MNAT1: variants seen among roughly 807,000 people sequenced by gnomAD.
The protein encoded by MNAT1 is CDK-activating kinase assembly factor MAT1.
A neutral mutation model predicts 42.0 loss-of-function variants in MNAT1; 43 were observed. That is an observed-to-expected ratio of 1.02 (90% CI 0.80 to 1.32). The LOEUF is 1.32. MNAT1 is among the 40% of genes most tolerant of loss of function. The probability of loss-of-function intolerance (pLI) is 0.00; values close to 1 mark genes in which losing one functional copy is unlikely to be tolerated. For synonymous variants in MNAT1, 118 were observed against 120.0 expected (o/e 0.98, Z 0.11); for missense variants, 306 against 350.4 (o/e 0.87, Z 1.01).
chr14:60,926,694 T>G (rs1356506582), intron 7 of MNAT1, among the ~76,000 whole-genome samples: 1 of 152,160 alleles, frequency 6.6e-6, no homozygotes, highest in Non-Finnish European at 1.5e-5. Flanking sequence ...GTGCAGAAGC[T>G]CATCCCAACT....
chr14:60,885,629 A>G (rs1455353518), intron 7 of MNAT1, among the ~76,000 whole-genome samples: 1 of 151,990 alleles, frequency 6.6e-6, no homozygotes, highest in Non-Finnish European at 1.5e-5. Flanking sequence ...CCTTTGAGCT[A>G]TTCAAGTTCT....
intron 6 of MNAT1, among the ~76,000 whole-genome samples, chr14:60,857,543 A>G (rs2033990977): frequency 6.6e-6 from 1 of 152,194 alleles, no homozygotes; most frequent in Non-Finnish European, 1.5e-5. Flanking sequence ...GGTTTAGAAT[A>G]TTATATAAAC....
chr14:60,911,194 G>A (rs564752656), intron 7 of MNAT1, among the ~76,000 whole-genome samples: 23 of 151,896 alleles, frequency 1.5e-4, no homozygotes, highest in East Asian at 7.8e-4. Flanking sequence ...TTTTTATTGC[G>A]TCTATTTGAT....
At chr14:60,881,846 T>A (rs1888876578) in intron 7 of MNAT1, among the ~76,000 whole-genome samples, 1 of 152,096 alleles carries the variant, frequency 6.6e-6, no homozygotes, top group Admixed American at 6.6e-5. Context: ...TTGACTATAG[T>A]CACCCTGTTG....
chr14:60,757,897 AT>A (rs1281726865), intron 1 of MNAT1, among the ~76,000 whole-genome samples: 5 of 152,126 alleles, frequency 3.3e-5, no homozygotes, highest in African/African-American at 4.8e-5. Flanking sequence ...ATCAGAGGTA[AT>A]TTTTGCCCTG....
At chr14:60,913,342 C>G (rs756852370) in intron 7 of MNAT1, among the ~76,000 whole-genome samples, 31 of 152,188 alleles carry the variant, frequency 2.0e-4, no homozygotes, top group Non-Finnish European at 3.5e-4. Flanking sequence ...AAGTCATGCT[C>G]CATCCAGCTT....
chr14:60,883,723 T>G (rs1424352371), intron 7 of MNAT1, among the ~76,000 whole-genome samples: 1 of 152,172 alleles, frequency 6.6e-6, no homozygotes, highest in Non-Finnish European at 1.5e-5. Flanking sequence ...TGGAATATCT[T>G]TTGTGTGTGT....
intron 7 of MNAT1, among the ~76,000 whole-genome samples, chr14:60,929,644 G>A (rs1054665933): frequency 1.3e-5 from 2 of 151,962 alleles, no homozygotes; most frequent in Non-Finnish European, 2.9e-5. Flanking sequence ...AGTCCTGAAC[G>A]TTTTCTTGAC....
At chr14:60,735,979 A>T (rs1896294886) in intron 1 of MNAT1, among the ~76,000 whole-genome samples, 1 of 152,234 alleles carries the variant, frequency 6.6e-6, no homozygotes, top group African/African-American at 2.4e-5. Flanking sequence ...AATGTAGAGC[A>T]ATGACAGGGT....
intron 1 of MNAT1, among the ~76,000 whole-genome samples, chr14:60,773,375 C>T (rs191203106): frequency 2.9e-4 from 44 of 152,250 alleles, no homozygotes; most frequent in Middle Eastern, 3.4e-3. Context: ...CACCAAAACA[C>T]AGGGCTTGAG....
At chr14:60,899,945 TTAC>T (rs940590551) in intron 7 of MNAT1, among the ~76,000 whole-genome samples, 1 of 20,414 alleles carries the variant, frequency 4.9e-5, no homozygotes, top group Non-Finnish European at 8.8e-4. Context: ...TCTTTTGCTG[TTAC>T]TATTATTATT....
chr14:60,781,360 C>A (rs1176160403), intron 1 of MNAT1, among the ~76,000 whole-genome samples: 1 of 152,034 alleles, frequency 6.6e-6, no homozygotes, highest in Admixed American at 6.6e-5. Flanking sequence ...ATTTGTAGAA[C>A]CTCTTTATAT....
chr14:60,920,983 A>G (rs2035647253), intron 7 of MNAT1, among the ~76,000 whole-genome samples: 1 of 152,220 alleles, frequency 6.6e-6, no homozygotes, highest in African/African-American at 2.4e-5. Flanking sequence ...ATCATGTTCT[A>G]TGATTGTAAC....
intron 1 of MNAT1, among the ~76,000 whole-genome samples, chr14:60,760,886 T>C (rs982345042): frequency 2.6e-5 from 4 of 152,200 alleles, no homozygotes; most frequent in African/African-American, 9.6e-5. Context: ...GGTGCATTAT[T>C]GATTTTCATG....
At position 60,936,161 on chromosome 14, in the gene MNAT1, C is replaced by T. The variant is rs142267042; in HGVS notation, c.810-32068C>T. On this transcript the variant is annotated intron_variant, in intron 7 of 7. Transcript: ENST00000261245. ...TCATGGGCAGGTTCCCTCATCTGCA[C>T]GAAAGCATCTGATGTAAACACTTGT... Among the ~76,000 whole-genome samples the T allele has an allele frequency of 4.5e-4, 69 of 152,230 alleles. No homozygotes were observed. In the East Asian group the frequency reaches 0.013, roughly 28 times the overall value.
At chr14:60,874,288 A>G (rs2034390278) in intron 6 of MNAT1, among the ~76,000 whole-genome samples, 1 of 152,096 alleles carries the variant, frequency 6.6e-6, no homozygotes, top group African/African-American at 2.4e-5. Context: ...AGCTATCTAT[A>G]CTGATTCATT....
intron 7 of MNAT1, among the ~76,000 whole-genome samples, chr14:60,953,448 G>C (rs1453957977): frequency 6.6e-6 from 1 of 152,096 alleles, no homozygotes; most frequent in East Asian, 1.9e-4. Context: ...GAGGTCACAG[G>C]GTTGGGAAAG....
chr14:60,756,533 G>T (rs1425779711), intron 1 of MNAT1, among the ~76,000 whole-genome samples: 1 of 152,138 alleles, frequency 6.6e-6, no homozygotes. Context: ...GTGTCTTATG[G>T]ATTGCTTACC....
intron 1 of MNAT1, among the ~76,000 whole-genome samples, chr14:60,746,243 C>T (rs950428543): frequency 2.6e-5 from 4 of 152,190 alleles, no homozygotes; most frequent in East Asian, 1.9e-4. Context: ...TGGCTGGGTG[C>T]GGTAGCTCAC....
Sources: allele counts gnomAD v4.1 joint callset (sites outside exome capture counted in the v4.1 genomes callset), GRCh38; gene constraint gnomAD v4.1.1; transcripts MANE v1.5; gene names NCBI Gene and HGNC (gene_info 2026-07-23, HGNC 2026-07-21).